The following UBE2U variants were observed in gnomAD, a reference collection of about 807,000 sequenced individuals.
The protein encoded by UBE2U is ubiquitin conjugating enzyme E2 U.
Under a neutral mutation model 41.2 loss-of-function variants are expected in UBE2U, and 39 were observed. The ratio of observed to expected loss-of-function variants is 0.95; its 90% CI spans 0.73 to 1.24. The LOEUF (loss-of-function observed/expected upper bound fraction) is 1.24. Ranked by LOEUF, UBE2U falls within the 50% of genes most tolerant of loss-of-function variation. The pLI, the probability that UBE2U is intolerant of heterozygous loss-of-function variation, is 0.00. For missense variants in UBE2U, 336 were observed against 363.1 expected (o/e 0.93, Z 0.61); for synonymous variants, 107 against 117.8 (o/e 0.91, Z 0.60).
At chr1:64,247,319 G>A (rs1469496303) in intron 8 of UBE2U, among the ~76,000 whole-genome samples, 1 of 152,026 alleles carries the variant, frequency 6.6e-6, no homozygotes, top group African/African-American at 2.4e-5. Flanking sequence ...CATGGCTTAG[G>A]GCTTCTCCCT....
intron 7 of UBE2U, among the ~76,000 whole-genome samples, chr1:64,239,734 T>C (rs1383097165): frequency 6.6e-6 from 1 of 152,146 alleles, no homozygotes; most frequent in East Asian, 1.9e-4. Context: ...TTCCATGGTG[T>C]ATATGTGTCA....
chr1:64,239,141 G>GAAGAAGAAGAAGAAGA (rs1294275627), intron 7 of UBE2U, among the ~76,000 whole-genome samples: 1 of 28,134 alleles, frequency 3.6e-5, no homozygotes, highest in Non-Finnish European at 6.2e-5. Flanking sequence ...AGAAGAAGAA[G>GAAGAAGAAGAAGAAGA]AAGAAGAAGA....
At chr1:64,220,134 A>G (rs1652336486) in intron 5 of UBE2U, among the ~76,000 whole-genome samples, 1 of 152,188 alleles carries the variant, frequency 6.6e-6, no homozygotes, top group Admixed American at 6.5e-5. Context: ...TTCTGAATAC[A>G]GGCTGGGCTT....
At chr1:64,259,946 A>G (rs916883328) in intron 8 of UBE2U, among the ~76,000 whole-genome samples, 2 of 151,786 alleles carry the variant, frequency 1.3e-5, no homozygotes, top group African/African-American at 4.8e-5. Context: ...CTTTGCAGAT[A>G]TAAATAGTAA....
chr1:64,237,304 GA>G (rs35861714), intron 7 of UBE2U, among the ~76,000 whole-genome samples: 21,647 of 95,494 alleles, frequency 0.23, 1,934 homozygotes, highest in Non-Finnish European at 0.28. Context: ...ATGTATCATA[GA>G]AAAAAAAAAA....
chr1:64,219,942 C>T (rs1652321030), intron 5 of UBE2U, among the ~76,000 whole-genome samples: 1 of 152,112 alleles, frequency 6.6e-6, no homozygotes, highest in Non-Finnish European at 1.5e-5. Context: ...TTATCCATCT[C>T]TTTGTTCGTT....
intron 9 of UBE2U, among the ~76,000 whole-genome samples, chr1:64,266,003 G>A (rs1330512041): frequency 2.0e-5 from 3 of 152,126 alleles, no homozygotes; most frequent in Admixed American, 1.3e-4. Context: ...ATAAACATAT[G>A]AGGCAAACAA....
Position 64,228,147 on chromosome 1 carries a change from C to T in UBE2U, c.507-4414C>T, listed in dbSNP as rs531204788. Among the ~76,000 whole-genome samples, 58 of 152,144 alleles carry T rather than the reference C, an allele frequency of 3.8e-4. 2 individuals carry two copies. In the South Asian group the frequency reaches 0.011, roughly 29 times the overall value. On this transcript the variant is annotated intron_variant, in intron 6 of 9. Coordinates refer to ENST00000371077, the MANE Select transcript of UBE2U (RefSeq NM_001366232.2). ...GAAGAACAAAGTTACAGCATAGATA[C>T]CCCTAGATATTAAGATGTACTAGAA...
At chr1:64,239,175 G>GAAGAAGAAGA (rs1644781544) in intron 7 of UBE2U, among the ~76,000 whole-genome samples, 2 of 95,452 alleles carry the variant, frequency 2.1e-5, no homozygotes, top group African/African-American at 9.4e-5. Flanking sequence ...AGAAGAAGAA[G>GAAGAAGAAGA]AAGAAGAAGA....
At chr1:64,263,417 A>T (rs922808883) in intron 9 of UBE2U, among the ~76,000 whole-genome samples, 1 of 152,082 alleles carries the variant, frequency 6.6e-6, no homozygotes, top group Admixed American at 6.5e-5. Context: ...GCGTGCCTGG[A>T]CTGGCCCTCT....
chr1:64,230,188 T>C (rs1392260439), intron 6 of UBE2U, among the ~76,000 whole-genome samples: 1 of 152,222 alleles, frequency 6.6e-6, no homozygotes, highest in Non-Finnish European at 1.5e-5. Context: ...TAGCTCTCAG[T>C]AGTTAATCCC....
intron 1 of UBE2U, among the ~76,000 whole-genome samples, chr1:64,204,818 G>T (rs1010318382): frequency 6.6e-6 from 1 of 152,204 alleles, no homozygotes; most frequent in Non-Finnish European, 1.5e-5. Flanking sequence ...TTCAGGTGTA[G>T]TTCAGTGGCA....
intron 8 of UBE2U, 89 bp from the exon 9 acceptor site, chr1:64,260,509 GTTTCA>G (rs1422088798): frequency 4.2e-5 from 39 of 927,094 alleles, no homozygotes; most frequent in Non-Finnish European, 6.0e-5. Context: ...CTACTTTTAT[GTTTCA>G]TTTCATTTGT....
At chr1:64,208,987 GT>G (rs1464836142) in intron 3 of UBE2U, among the ~76,000 whole-genome samples, 1 of 152,152 alleles carries the variant, frequency 6.6e-6, no homozygotes, top group Non-Finnish European at 1.5e-5. Flanking sequence ...ACATATATGT[GT>G]TTGTGTGTAT....
intron 8 of UBE2U, among the ~76,000 whole-genome samples, chr1:64,257,261 G>GTA (rs1417593809): frequency 2.0e-5 from 3 of 152,116 alleles, no homozygotes; most frequent in Non-Finnish European, 4.4e-5. Flanking sequence ...CAAATCCTGG[G>GTA]TATATACCCA....
At chr1:64,256,335 A>T (rs528575354) in intron 8 of UBE2U, among the ~76,000 whole-genome samples, 1 of 152,318 alleles carries the variant, frequency 6.6e-6, no homozygotes, top group South Asian at 2.1e-4. Context: ...AAAAGAACAA[A>T]GCTGGAGGCA....
chr1:64,208,447 A>G (rs1181827040), intron 3 of UBE2U, among the ~76,000 whole-genome samples: 1 of 151,804 alleles, frequency 6.6e-6, no homozygotes, highest in Non-Finnish European at 1.5e-5. Flanking sequence ...TCTACAGAAA[A>G]TAAAAAAATT....
chr1:64,226,968 T>A (rs1228368027), intron 6 of UBE2U, among the ~76,000 whole-genome samples: 1 of 152,212 alleles, frequency 6.6e-6, no homozygotes, highest in Non-Finnish European at 1.5e-5. Flanking sequence ...GCAAGGTTGG[T>A]TTAATATTCA....
chr1:64,239,124 A>AAGGAGAAGGAGAAGGAGAAGG (rs1557730141), intron 7 of UBE2U, among the ~76,000 whole-genome samples: 3 of 22,476 alleles, frequency 1.3e-4, no homozygotes, highest in African/African-American at 6.0e-4. Flanking sequence ...GAAGAAGAAG[A>AAGGAGAAGGAGAAGGAGAAGG]AGAAGAAGAA....
Sources: allele counts gnomAD v4.1 joint callset (sites outside exome capture counted in the v4.1 genomes callset), GRCh38; gene constraint gnomAD v4.1.1; transcripts MANE v1.5; gene names NCBI Gene and HGNC (gene_info 2026-07-23, HGNC 2026-07-21).